HTR3A: variants seen among roughly 807,000 people sequenced by gnomAD.
The protein encoded by HTR3A is 5-hydroxytryptamine (serotonin) receptor 3A, ionotropic.
A neutral mutation model predicts 54.8 loss-of-function variants in HTR3A; 45 were observed. The ratio of observed to expected loss-of-function variants is 0.82; its 90% CI spans 0.65 to 1.05. HTR3A has a LOEUF of 1.05. HTR3A is among the 50% of genes least tolerant of loss of function. The pLI, the probability that HTR3A is intolerant of heterozygous loss-of-function variation, is 0.00. For synonymous variants in HTR3A, 297 were observed against 256.0 expected (o/e 1.16, Z -1.53); for missense variants, 657 against 614.0 (o/e 1.07, Z -0.74).
At chr11:113,981,039 A>C in intron 3 of HTR3A, 164 bp from the exon 4 acceptor site, 1 of 646,770 alleles carries the variant, frequency 1.5e-6, no homozygotes, top group Non-Finnish European at 2.8e-6. Flanking sequence ...AGGTGGGGGG[A>C]CTCTCAGTTA....
intron 3 of HTR3A, 94 bp downstream of exon 3, chr11:113,979,371 G>C: frequency 1.0e-6 from 1 of 968,072 alleles, no homozygotes; most frequent in South Asian, 1.3e-5. Flanking sequence ...GAGGGAAGGT[G>C]AGCGGAGAGG....
rs763868109 is a variant in HTR3A at position 113,989,573 on chromosome 11, G to A, written c.1247G>A (p.Cys416Tyr). Residue 416 changes from cysteine (C) to tyrosine (Y), a missense_variant, in exon 9 of 9, where the codon TGT becomes TAT. Cys to Tyr is a radical substitution (Grantham distance 194, BLOSUM62 -2). Transcript: ENST00000504030. The surrounding 1 kb of genome is among the most constrained non-coding windows in gnomAD (Gnocchi z 4.4). ...CCTCGGGAGGCCTCGCTGGCGGTGT[G>A]TGGGCTGCTGCAGGAGCTGTCCTCC... ...PPPREASLAV[C>Y]GLLQELSSIR... The A allele has an allele frequency of 6.8e-6, 11 of 1,614,228 alleles. No individual in the cohort carries two copies. The highest frequency in any genetic ancestry group is 9.3e-6 in the Non-Finnish European group (11 of 1,180,046).
At chr11:113,979,191 A>G in intron 2 of HTR3A, 42 bp from the exon 3 acceptor site, 1 of 1,540,718 alleles carries the variant, frequency 6.5e-7, no homozygotes, top group Non-Finnish European at 9.0e-7. Context: ...GTGGCCCTCC[A>G]GTCCACAGGG....
At chr11:113,979,913 G>A (rs1022394677) in intron 3 of HTR3A, among the ~76,000 whole-genome samples, 1 of 152,178 alleles carries the variant, frequency 6.6e-6, no homozygotes, top group Non-Finnish European at 1.5e-5. Context: ...GCAGAAGCAT[G>A]AGGACAGCTC....
Position 113,989,390 on chromosome 11 carries a change from T to C in HTR3A, c.1139-75T>C, listed in dbSNP as rs979415341. 5 of 1,539,014 alleles carry C rather than the reference T, an allele frequency of 3.2e-6. No individual in the cohort carries two copies. Among genetic ancestry groups the C allele is most frequent in the South Asian group, 1.1e-5 (1 of 89,422 alleles). On this transcript the variant is annotated intron_variant, in intron 8 of 8. Coordinates refer to ENST00000504030, the MANE Select transcript of HTR3A (RefSeq NM_000869.6). This position sits in a 1 kb window ranked among gnomAD's most constrained non-coding sequence, Gnocchi z 4.4. ...ATTCCCAACAAAAATTTACAGGCTATAGAAGCATAAGGAACCATGTTCAGG... is the reference window on the plus strand; with the variant it reads ...ATTCCCAACAAAAATTTACAGGCTACAGAAGCATAAGGAACCATGTTCAGG...
At chr11:113,984,410 G>A (rs1950463423) in intron 5 of HTR3A, among the ~76,000 whole-genome samples, 1 of 152,050 alleles carries the variant, frequency 6.6e-6, no homozygotes, top group Non-Finnish European at 1.5e-5. Context: ...CAGCCCAGGA[G>A]TTTGAGGCCA....
chr11:113,990,197 GCTT>G lies in HTR3A; in HGVS notation c.*437_*439del, dbSNP rs1950536270. On this transcript the variant is annotated 3_prime_UTR_variant, in exon 9 of 9. Transcript: ENST00000504030. ...CACAGGCCTGATAACTCTGTACGAG[GCTT>G]CTCTAACCCCTAGTGTCTTTTTTTT... The G allele has an allele frequency of 2.2e-6, 1 of 456,364 alleles. No individual in the cohort carries two copies. Among genetic ancestry groups the G allele is most frequent in the African/African-American group, 2.0e-5 (1 of 50,098 alleles). The allele number at this position is 456,364 out of a possible 1,614,324, so 28.3% of individuals were successfully genotyped here. A position where few individuals can be genotyped will look rare whatever the true frequency, so the allele number is the denominator to read the frequency against.
At chr11:113,987,682 G>C (rs1355518093) in intron 8 of HTR3A, among the ~76,000 whole-genome samples, 1 of 152,110 alleles carries the variant, frequency 6.6e-6, no homozygotes, top group South Asian at 2.1e-4. Flanking sequence ...GCAGGGAGCT[G>C]TGTTCGCATC....
Position 113,975,395 on chromosome 11 carries a change from A to G in HTR3A, c.67+3A>G. On this transcript the variant is annotated splice_donor_region_variant and intron_variant, in intron 1 of 8. Coordinates refer to ENST00000504030, the MANE Select transcript of HTR3A (RefSeq NM_000869.6). ...CACACTCCTGGCACAGGGAGAAGGT[A>G]AGCAGACTTCGGGAAGCAGCAGGAC... 6.2e-7 allele frequency: 1 copy of G among 1,611,136 alleles called. No homozygotes were observed.
rs1316843280 is a variant in HTR3A, at chr11:113,989,041, G to A, written c.1139-424G>A. 6.6e-6 allele frequency among the ~76,000 whole-genome samples: 1 copy of A among 152,200 alleles called. No individual in the cohort carries two copies. Among genetic ancestry groups the A allele is most frequent in the East Asian group, 1.9e-4 (1 of 5,162 alleles). ...GGATGGTGGATTTGCAGGTATGTAA[G>A]TTACTCTTTATACTTTTTATGTCTA... On this transcript the variant is annotated intron_variant, in intron 8 of 8. Transcript: ENST00000504030. The surrounding 1 kb of genome is among the most constrained non-coding windows in gnomAD (Gnocchi z 4.4).
At position 113,981,301 on chromosome 11, in the gene HTR3A, C is replaced by T. The variant is rs775695801; in HGVS notation, c.363C>T (p.Leu121=). The T allele has an allele frequency of 3.1e-6, 5 of 1,607,738 alleles. No individual in the cohort carries two copies. Among genetic ancestry groups the T allele is most frequent in the South Asian group, 1.1e-5 (1 of 90,960 alleles). The part of the protein sequence containing the change: ...PTDSIWVPDI[L]INEFVDVGKS... ...ACAGCATCTGGGTCCCGGACATTCT[C>T]ATCAATGAGTTGTGAGTACCGTTAT... The change falls in exon 4 of 9, where the codon CTC becomes CTT. Residue 121 remains leucine (L), a synonymous_variant. Transcript: ENST00000504030.
chr11:113,986,849 C>T lies in HTR3A; in HGVS notation c.941C>T (p.Ala314Val). Residue 314 changes from alanine to valine, a missense_variant, in exon 8 of 9, where the codon GCT (alanine) becomes GTT (valine). Transcript: ENST00000504030. ...LIGVYFVVCM[A>V]LLVISLAETI... ...GGTGTCTACTTTGTGGTGTGCATGG[C>T]TCTGCTGGTGATAAGTTTGGCCGAG... is the stretch of plus-strand genomic sequence containing the variant. 1 of 1,614,160 alleles carries T rather than the reference C, an allele frequency of 6.2e-7. No homozygotes were observed. Among genetic ancestry groups the T allele is most frequent in the South Asian group, 1.1e-5 (1 of 91,082 alleles).
chr11:113,979,300 G>T, intron 3 of HTR3A, 23 bp downstream of exon 3: 1 of 1,589,576 alleles, frequency 6.3e-7, no homozygotes. Context: ...GCCCCTCCCT[G>T]CCCCCGTTAC....
intron 1 of HTR3A, chr11:113,977,385 G>T (rs774893955): frequency 4.8e-6 from 3 of 623,498 alleles, no homozygotes; most frequent in South Asian, 2.0e-5. Flanking sequence ...CAACCCTCTT[G>T]CTTTTAGTAT....
chr11:113,975,739 T>A (rs879908865), intron 1 of HTR3A, among the ~76,000 whole-genome samples: 2 of 152,128 alleles, frequency 1.3e-5, no homozygotes, highest in African/African-American at 2.4e-5. Context: ...CAAGGGACCT[T>A]AGAACTCATT....
At chr11:113,976,494 C>T (rs1950352250) in intron 1 of HTR3A, among the ~76,000 whole-genome samples, 1 of 151,722 alleles carries the variant, frequency 6.6e-6, no homozygotes, top group Non-Finnish European at 1.5e-5. Flanking sequence ...CAAATAGCCA[C>T]TCTGGTGGAC....
intron 5 of HTR3A, among the ~76,000 whole-genome samples, chr11:113,984,657 G>T (rs557608421): frequency 1.3e-5 from 2 of 151,874 alleles, no homozygotes; most frequent in African/African-American, 4.8e-5. Flanking sequence ...GGTGGCTCAC[G>T]CCTGTAATCC....
At chr11:113,979,681 T>C (rs558142713) in intron 3 of HTR3A, among the ~76,000 whole-genome samples, 51 of 152,228 alleles carry the variant, frequency 3.4e-4, no homozygotes, top group African/African-American at 1.2e-3. Context: ...ATCCACTTAG[T>C]CCTCACATCC....
chr11:113,988,921 C>T (rs1950521464), intron 8 of HTR3A, among the ~76,000 whole-genome samples: 1 of 152,112 alleles, frequency 6.6e-6, no homozygotes, highest in Non-Finnish European at 1.5e-5. Context: ...AGGAAGGATA[C>T]TTCGTGATAT....
Sources: gnomAD v4.1 joint callset for allele counts (sites outside exome capture counted in the v4.1 genomes callset) on GRCh38, gnomAD v4.1.1 for gene constraint, Gnocchi (gnomAD v3.1) non-coding constraint, MANE v1.5 for transcripts, NCBI Gene and HGNC (gene_info 2026-07-23, HGNC 2026-07-21) for gene names.